Variants in SH3PXD2A observed in about 807,000 individuals in gnomAD.
The protein encoded by SH3PXD2A is SH3 and PX domains 2A.
SH3PXD2A carries 32 observed loss-of-function variants against 115.2 expected under a neutral mutation model. That is an observed-to-expected ratio of 0.28 (90% CI 0.21 to 0.37). SH3PXD2A has a LOEUF of 0.37. SH3PXD2A is among the 10% of genes least tolerant of loss of function. The pLI is 1.00. For synonymous variants in SH3PXD2A, 610 were observed against 629.1 expected, an observed-to-expected ratio of 0.97 and a Z score of 0.45; for missense variants, 1,328 against 1,498.7, an observed-to-expected ratio of 0.89 and a Z score of 1.88.
chr10:103,803,070 C>T lies in SH3PXD2A; in HGVS notation c.73-1708G>A, dbSNP rs113916626. ...GGTGAGGCTTTGTGCTTGGCTGCTCCGGTGATACACAGGAAAATGAGCTGA... is the reference window on the plus strand; with the variant it reads ...GGTGAGGCTTTGTGCTTGGCTGCTCTGGTGATACACAGGAAAATGAGCTGA... On this transcript the variant is annotated intron_variant, in intron 1 of 14. Coordinates refer to ENST00000369774, the MANE Select transcript of SH3PXD2A (RefSeq NM_001394015.1). Among the ~76,000 whole-genome samples, 84 of 152,322 alleles carry T rather than the reference C, an allele frequency of 5.5e-4. 1 individual carries two copies. The highest frequency in any genetic ancestry group is 3.4e-3 in the Middle Eastern group (1 of 294).
At position 103,782,588 on chromosome 10, in the gene SH3PXD2A, C is replaced by T. The variant is rs137915450; in HGVS notation, c.154-15419G>A. ...CCAAGCACACACTATATGGCAGGTA[C>T]TGTTCTAGGCATCGGGAAAACAGAA... On this transcript the variant is annotated intron_variant, in intron 2 of 14. Coordinates refer to ENST00000369774, the MANE Select transcript of SH3PXD2A (RefSeq NM_001394015.1). Among the ~76,000 whole-genome samples, 968 of 152,200 alleles carry T rather than the reference C, an allele frequency of 6.4e-3. 6 individuals carry two copies. The highest frequency in any genetic ancestry group is 0.017 in the Middle Eastern group (5 of 294).
intron 4 of SH3PXD2A, among the ~76,000 whole-genome samples, chr10:103,730,062 G>A (rs1425188242): frequency 6.6e-6 from 1 of 152,218 alleles, no homozygotes; most frequent in African/African-American, 2.4e-5. Flanking sequence ...ACTGTGCTCA[G>A]GCCTTCTGCC....
chr10:103,636,357 C>G (rs970853018), intron 8 of SH3PXD2A, among the ~76,000 whole-genome samples: 1 of 148,330 alleles, frequency 6.7e-6, no homozygotes, highest in Admixed American at 6.8e-5. Context: ...TGCAGTGAGT[C>G]GAGATCGTAC....
intron 4 of SH3PXD2A, among the ~76,000 whole-genome samples, chr10:103,729,788 G>T (rs1175255137): frequency 6.6e-6 from 1 of 152,170 alleles, no homozygotes; most frequent in Non-Finnish European, 1.5e-5. Context: ...AGCCATTCAG[G>T]TTTTGCCATC....
chr10:103,677,206 C>A lies in SH3PXD2A; in HGVS notation c.428-8554G>T, dbSNP rs115950688. Among the ~76,000 whole-genome samples, 385 of 152,306 alleles carry A rather than the reference C, an allele frequency of 2.5e-3. 3 individuals carry two copies. Among genetic ancestry groups the A allele is most frequent in the African/African-American group, 8.7e-3 (360 of 41,542 alleles). On this transcript the variant is annotated intron_variant, in intron 6 of 14. Coordinates refer to ENST00000369774, the MANE Select transcript of SH3PXD2A (RefSeq NM_001394015.1). Reference sequence around the variant, plus strand: ...GCTATCGGATTATCAATGAATCAACCGCCAACTATTTCGGGAGCATCAACG... The same window carrying A: ...GCTATCGGATTATCAATGAATCAACAGCCAACTATTTCGGGAGCATCAACG...
At chr10:103,710,775 T>C (rs1592313411) in intron 5 of SH3PXD2A, among the ~76,000 whole-genome samples, 2 of 151,726 alleles carry the variant, frequency 1.3e-5, no homozygotes, top group African/African-American at 4.8e-5. Flanking sequence ...TGAGTTTAGG[T>C]GGGGTTAAAA....
intron 3 of SH3PXD2A, chr10:103,745,875 A>T (rs1477054360): frequency 6.6e-6 from 1 of 151,986 alleles, no homozygotes; most frequent in Non-Finnish European, 1.5e-5. Flanking sequence ...TGTTCATTCC[A>T]CCCGCCCCCT....
At chr10:103,795,885 GGAGA>G in intron 2 of SH3PXD2A, among the ~76,000 whole-genome samples, 1 of 146,456 alleles carries the variant, frequency 6.8e-6, no homozygotes, top group Non-Finnish European at 1.5e-5. Context: ...AGGGAGAGAG[GGAGA>G]GAGGGAGGGA....
intron 2 of SH3PXD2A, among the ~76,000 whole-genome samples, chr10:103,789,519 G>T (rs2039013930): frequency 6.8e-6 from 1 of 146,644 alleles, no homozygotes; most frequent in African/African-American, 2.6e-5. Context: ...GCTTCACAGG[G>T]TGTGTATACG....
At chr10:103,813,700 C>T (rs1422972810) in intron 1 of SH3PXD2A, among the ~76,000 whole-genome samples, 1 of 152,194 alleles carries the variant, frequency 6.6e-6, no homozygotes, top group Non-Finnish European at 1.5e-5. Flanking sequence ...GTCCTCTTAG[C>T]CAGTCCTCTG....
chr10:103,702,167 ACCAT>A (rs1163598188), intron 5 of SH3PXD2A, among the ~76,000 whole-genome samples: 1 of 151,268 alleles, frequency 6.6e-6, no homozygotes, highest in Non-Finnish European at 1.5e-5. Flanking sequence ...CCATCCATCC[ACCAT>A]CCATCCATCC....
chr10:103,822,551 G>A (rs374139509), intron 1 of SH3PXD2A, among the ~76,000 whole-genome samples: 6 of 152,338 alleles, frequency 3.9e-5, no homozygotes, highest in African/African-American at 7.2e-5. Flanking sequence ...GCATGGTGGG[G>A]GGGGAGCAGC....
chr10:103,814,082 G>A (rs1337904528), intron 1 of SH3PXD2A, among the ~76,000 whole-genome samples: 1 of 151,664 alleles, frequency 6.6e-6, no homozygotes, highest in South Asian at 2.1e-4. Context: ...ACTACTAAGA[G>A]TCAGCTCTGC....
intron 6 of SH3PXD2A, among the ~76,000 whole-genome samples, chr10:103,676,274 TG>T (rs2037532405): frequency 6.6e-6 from 1 of 152,038 alleles, no homozygotes; most frequent in Non-Finnish European, 1.5e-5. Flanking sequence ...AGAACACGTG[TG>T]GGGGCAGCCC....
Position 103,599,556 on chromosome 10 carries a change from C to G in SH3PXD2A, c.*2260G>C, listed in dbSNP as rs951436681. On this transcript the variant is annotated 3_prime_UTR_variant, in exon 15 of 15. Coordinates refer to ENST00000369774, the MANE Select transcript of SH3PXD2A (RefSeq NM_001394015.1). ...TTTTATTTTAAATAGTCATAAATTA[C>G]TTTTTTTCTCTTAATAAATATGTGC... The G allele has an allele frequency of 6.6e-6, 1 of 152,494 alleles. No homozygotes were observed. Among genetic ancestry groups the G allele is most frequent in the African/African-American group, 2.4e-5 (1 of 41,430 alleles). 9.4% of individuals were successfully genotyped at this position (152,494 alleles called of 1,614,324 possible).
At chr10:103,607,185 C>A (rs1212048551) in intron 13 of SH3PXD2A, among the ~76,000 whole-genome samples, 2 of 150,448 alleles carry the variant, frequency 1.3e-5, no homozygotes, top group Non-Finnish European at 3.0e-5. Context: ...TCCCCGGCCG[C>A]GACCCCGTCT....
chr10:103,689,028 G>A (rs777950293), intron 6 of SH3PXD2A, among the ~76,000 whole-genome samples: 5 of 151,972 alleles, frequency 3.3e-5, no homozygotes, highest in Admixed American at 1.3e-4. Context: ...CACTACATCC[G>A]GCTAATTTAT....
chr10:103,819,837 G>A (rs574242395), intron 1 of SH3PXD2A, among the ~76,000 whole-genome samples: 1 of 151,990 alleles, frequency 6.6e-6, no homozygotes, highest in African/African-American at 2.4e-5. Context: ...CCTAGAGGAG[G>A]GGGGGAGATG....
intron 9 of SH3PXD2A, among the ~76,000 whole-genome samples, chr10:103,622,835 A>G (rs987789670): frequency 6.6e-6 from 1 of 152,170 alleles, no homozygotes; most frequent in East Asian, 1.9e-4. Flanking sequence ...AGCACCTTAG[A>G]GAAAAGAGGG....
Sources: gnomAD v4.1 joint callset for allele counts (sites outside exome capture counted in the v4.1 genomes callset) on GRCh38, gnomAD v4.1.1 for gene constraint, MANE v1.5 for transcripts, NCBI Gene and HGNC (gene_info 2026-07-23, HGNC 2026-07-21) for gene names.